CNTN1: variants seen among roughly 807,000 people sequenced by gnomAD.
The protein encoded by CNTN1 is contactin-1.
Under a neutral mutation model 126.4 loss-of-function variants are expected in CNTN1, and 38 were observed. The observed-to-expected ratio is 0.30, with a 90% CI of 0.23 to 0.39. CNTN1 has a LOEUF of 0.39. Among genes scored for constraint, CNTN1 ranks in the 10% least tolerant of loss-of-function variants. The pLI, the probability that CNTN1 is intolerant of heterozygous loss-of-function variation, is 1.00. For missense variants in CNTN1, 1,009 were observed against 1,248.4 expected, an observed-to-expected ratio of 0.81 and a Z score of 2.89; for synonymous variants, 413 against 422.6, an observed-to-expected ratio of 0.98 and a Z score of 0.28.
intron 10 of CNTN1, 55 bp downstream of exon 10, chr12:40,936,960 AG>A: frequency 1.2e-6 from 2 of 1,607,050 alleles, no homozygotes; most frequent in Non-Finnish European, 1.7e-6. Context: ...GCAGTGTTTC[AG>A]GGTAGTCCTG....
intron 1 of CNTN1, among the ~76,000 whole-genome samples, chr12:40,741,575 A>T (rs566655870): frequency 6.6e-5 from 10 of 152,192 alleles, no homozygotes; most frequent in Admixed American, 6.6e-4. Context: ...ACATCTATTG[A>T]GCAACTATTT....
chr12:40,893,190 C>T (rs979889472), intron 1 of CNTN1, among the ~76,000 whole-genome samples: 1 of 151,898 alleles, frequency 6.6e-6, no homozygotes, highest in Non-Finnish European at 1.5e-5. Flanking sequence ...AATTATATCA[C>T]TCTGCATAGT....
At chr12:40,768,413 TA>T (rs1488584918) in intron 1 of CNTN1, among the ~76,000 whole-genome samples, 75 of 152,184 alleles carry the variant, frequency 4.9e-4, no homozygotes, top group Non-Finnish European at 1.0e-3. Context: ...ACAAATCCCT[TA>T]TAAGCACACA....
chr12:40,899,426 T>A (rs577831303), intron 1 of CNTN1, among the ~76,000 whole-genome samples: 2 of 152,324 alleles, frequency 1.3e-5, no homozygotes, highest in African/African-American at 4.8e-5. Flanking sequence ...AATGCCTTGT[T>A]TATTATGATA....
At chr12:40,910,151 GA>G in intron 3 of CNTN1, 46 bp downstream of exon 3, 1 of 1,426,666 alleles carries the variant, frequency 7.0e-7, no homozygotes, top group Non-Finnish European at 9.9e-7. Flanking sequence ...TTTCTCTATT[GA>G]ATCATATTTT....
Sources: allele counts gnomAD v4.1 joint callset (sites outside exome capture counted in the v4.1 genomes callset), GRCh38; gene constraint gnomAD v4.1.1; transcripts MANE v1.5; gene names NCBI Gene and HGNC (gene_info 2026-07-23, HGNC 2026-07-21).